ZNF221: variants seen among roughly 807,000 people sequenced by gnomAD.
ZNF221 encodes the protein zinc finger protein 221.
A neutral mutation model predicts 12.6 loss-of-function variants in ZNF221; 10 were observed. The ratio of observed to expected loss-of-function variants is 0.79; its 90% confidence interval spans 0.49 to 1.34. The LOEUF is 1.34. ZNF221 is among the 40% of genes most tolerant of loss of function. The probability of loss-of-function intolerance (pLI) is 0.00; values close to 1 mark genes in which losing one functional copy is unlikely to be tolerated. For missense variants in ZNF221, 661 were observed against 721.4 expected (o/e 0.92, Z 0.96); for synonymous variants, 232 against 244.0 (o/e 0.95, Z 0.46).
intron 1 of ZNF221, among the ~76,000 whole-genome samples, chr19:43,955,779 T>C (rs1303214011): frequency 1.3e-5 from 2 of 152,202 alleles, no homozygotes; most frequent in Non-Finnish European, 2.9e-5. Context: ...CCAAATCATA[T>C]GTTCATTCAC....
At chr19:43,956,001 G>T (rs963383301) in intron 1 of ZNF221, among the ~76,000 whole-genome samples, 2 of 152,144 alleles carry the variant, frequency 1.3e-5, no homozygotes, top group Non-Finnish European at 2.9e-5. Context: ...CAGGTGTCAA[G>T]ATTTTTAATG....
chr19:43,969,193 A>G (rs1345108921), downstream of ZNF221, among the ~76,000 whole-genome samples: 1 of 152,130 alleles, frequency 6.6e-6, no homozygotes, highest in East Asian at 1.9e-4. Flanking sequence ...CTGTGGGGGA[A>G]GGCTGGCCAC....
chr19:43,955,517 T>C (rs528203722), intron 1 of ZNF221, among the ~76,000 whole-genome samples: 3 of 152,174 alleles, frequency 2.0e-5, no homozygotes, highest in African/African-American at 7.2e-5. Context: ...GGTCCTACTT[T>C]AATGCACACC....
At chr19:43,951,849 C>CT (rs758081943) in intron 1 of ZNF221, among the ~76,000 whole-genome samples, 5 of 62,596 alleles carry the variant, frequency 8.0e-5, no homozygotes, top group Non-Finnish European at 8.8e-5. Flanking sequence ...TCTTTGACCT[C>CT]TTTTTTTTTT....
downstream of ZNF221, among the ~76,000 whole-genome samples, chr19:43,972,580 C>A (rs1226242825): frequency 6.6e-6 from 1 of 151,622 alleles, no homozygotes; most frequent in African/African-American, 2.4e-5. Context: ...CACCACTGAC[C>A]CCACAGAAAT....
chr19:43,954,219 G>A (rs1235186348), intron 1 of ZNF221, among the ~76,000 whole-genome samples: 3 of 152,038 alleles, frequency 2.0e-5, no homozygotes, highest in Admixed American at 1.3e-4. Flanking sequence ...TTTGATATAC[G>A]GTTCTAAAAG....
intron 1 of ZNF221, 126 bp downstream of exon 1, chr19:43,951,526 T>C (rs1974669759): frequency 6.6e-6 from 1 of 152,276 alleles, no homozygotes; most frequent in Admixed American, 6.5e-5. Flanking sequence ...TTTCTGGGGC[T>C]CTCAGCTCGC....
chr19:43,961,135 C>T (rs1293411097), intron 1 of ZNF221, among the ~76,000 whole-genome samples: 1 of 152,184 alleles, frequency 6.6e-6, no homozygotes, highest in African/African-American at 2.4e-5. Context: ...GGCTGGAGTA[C>T]AGTAGCACAA....
At chr19:43,980,709 T>C in the ZNF221 span, among the ~76,000 whole-genome samples, 19 of 152,272 alleles carry the variant, frequency 1.2e-4, no homozygotes. Context: ...GTAGGGCAAG[T>C]AGAATATAGC....
downstream of ZNF221, among the ~76,000 whole-genome samples, chr19:43,970,437 T>C (rs1975073260): frequency 6.6e-6 from 1 of 152,106 alleles, no homozygotes; most frequent in Non-Finnish European, 1.5e-5. Context: ...CTGACAGAAG[T>C]AGGCCTCAGA....
chr19:43,981,179 G>A, the ZNF221 span, among the ~76,000 whole-genome samples: 1 of 152,056 alleles, frequency 6.6e-6, no homozygotes, highest in African/African-American at 2.4e-5. Flanking sequence ...CAGGAAATAT[G>A]CAAAAATGTT....
In ZNF221 at chr19:43,967,202, G is replaced by T; in HGVS notation, c.1700G>T (p.Cys567Phe). The T allele has an allele frequency of 2.5e-6, 4 of 1,593,952 alleles. No homozygotes were observed. The highest frequency in any genetic ancestry group is 3.4e-6 in the Non-Finnish European group (4 of 1,167,362). The change falls in exon 5 of 5, where the codon TGT becomes TTT. Residue 567 changes from cysteine to phenylalanine, a missense_variant. Cys to Phe is a radical substitution (Grantham distance 205, BLOSUM62 -2). Coordinates refer to ENST00000587682, the MANE Select transcript of ZNF221 (RefSeq NM_001297588.2). The part of the protein sequence containing the change: ...GGERPYNCKE[C>F]GKSFGWASCL... ...GAGCGACCCTATAATTGTAAGGAAT[G>T]TGGAAAGAGCTTTGGCTGGGCTTCA...
the ZNF221 span, among the ~76,000 whole-genome samples, chr19:43,974,607 C>T: frequency 3.0e-5 from 4 of 132,608 alleles, no homozygotes; most frequent in Admixed American, 3.3e-4. Flanking sequence ...CAAAAGAAGA[C>T]GTACATGCAG....
intron 3 of ZNF221, 40 bp from the exon 4 acceptor site, chr19:43,965,193 A>G (rs1732988332): frequency 1.3e-6 from 2 of 1,596,982 alleles, no homozygotes; most frequent in Admixed American, 1.7e-5. Context: ...GATATTACCT[A>G]CAATGGGTTG....
the ZNF221 span, among the ~76,000 whole-genome samples, chr19:43,979,292 G>C: frequency 7.9e-5 from 12 of 152,144 alleles, no homozygotes; most frequent in African/African-American, 2.9e-4. Flanking sequence ...TCTAATGCCT[G>C]CTGTATCCTG....
the ZNF221 span, among the ~76,000 whole-genome samples, chr19:43,981,131 G>A: frequency 2.0e-3 from 305 of 151,982 alleles, 1 homozygote; most frequent in Non-Finnish European, 2.9e-3. Flanking sequence ...ATGGGTAATA[G>A]ATTTGAACAA....
chr19:43,973,617 A>G, the ZNF221 span, among the ~76,000 whole-genome samples: 1 of 152,224 alleles, frequency 6.6e-6, no homozygotes, highest in Non-Finnish European at 1.5e-5. Flanking sequence ...ACAGGCAAGC[A>G]GAGAGCCGAA....
chr19:43,960,665 G>A (rs192781737), intron 1 of ZNF221, among the ~76,000 whole-genome samples: 1 of 152,184 alleles, frequency 6.6e-6, no homozygotes, highest in Non-Finnish European at 1.5e-5. Flanking sequence ...CCCTGAATCC[G>A]GCCACTCTGG....
In ZNF221 at chr19:43,962,829, T is replaced by C. The variant is rs771268052; in HGVS notation, c.81+22T>C. On this transcript the variant is annotated intron_variant, in intron 2 of 4. Transcript: ENST00000587682. ...CAAAGTGAGTAGGGCTTGCCTCTCT[T>C]GCTGTTAAAATTCCATCTTACTACT... 6 of 1,604,404 alleles carry C rather than the reference T, an allele frequency of 3.7e-6. No homozygotes were observed. In the East Asian group the frequency reaches 1.3e-4, roughly 36 times the overall value.
Sources: allele counts gnomAD v4.1 joint callset (sites outside exome capture counted in the v4.1 genomes callset), GRCh38; gene constraint gnomAD v4.1.1; transcripts MANE v1.5; gene names NCBI Gene and HGNC (gene_info 2026-07-23, HGNC 2026-07-21).